Variants in CDH9 observed in about 807,000 individuals in gnomAD.
The protein encoded by CDH9 is cadherin 9.
Under a neutral mutation model 70.9 loss-of-function variants are expected in CDH9, and 28 were observed. The observed-to-expected ratio is 0.40, with a 90% CI of 0.29 to 0.54. CDH9 has a LOEUF of 0.54. CDH9 is among the 20% of genes least tolerant of loss of function. The pLI, the probability that CDH9 is intolerant of heterozygous loss-of-function variation, is 0.59. For synonymous variants in CDH9, 409 were observed against 343.1 expected (o/e 1.19, Z -2.12); for missense variants, 874 against 984.4 (o/e 0.89, Z 1.50).
At chr5:26,919,754 G>T (rs1359972339) in intron 2 of CDH9, among the ~76,000 whole-genome samples, 1 of 152,066 alleles carries the variant, frequency 6.6e-6, no homozygotes, top group South Asian at 2.1e-4. Context: ...ATAGGGCAGG[G>T]TCCTGAGGCC....
intron 2 of CDH9, among the ~76,000 whole-genome samples, chr5:26,968,580 T>A (rs567654511): frequency 5.9e-5 from 9 of 152,132 alleles, no homozygotes; most frequent in Admixed American, 2.0e-4. Context: ...AAATGAATAG[T>A]TATTATCTCA....
At chr5:27,016,924 C>A (rs188555534) in intron 1 of CDH9, among the ~76,000 whole-genome samples, 1 of 151,724 alleles carries the variant, frequency 6.6e-6, no homozygotes, top group African/African-American at 2.4e-5. Flanking sequence ...CTCTGAAATC[C>A]GGAGTGTTAA....
chr5:26,929,805 A>T (rs1465758220), intron 2 of CDH9, among the ~76,000 whole-genome samples: 1 of 152,092 alleles, frequency 6.6e-6, no homozygotes, highest in Non-Finnish European at 1.5e-5. Context: ...AATTGTGTTC[A>T]TGGAGACAGA....
At chr5:26,928,098 T>C (rs1471997502) in intron 2 of CDH9, among the ~76,000 whole-genome samples, 2 of 152,032 alleles carry the variant, frequency 1.3e-5, no homozygotes, top group Non-Finnish European at 2.9e-5. Context: ...TTGAAAAACC[T>C]AAAGACCCCA....
At chr5:26,997,345 TATTGG>T (rs1400849973) in intron 1 of CDH9, among the ~76,000 whole-genome samples, 1 of 152,052 alleles carries the variant, frequency 6.6e-6, no homozygotes, top group Admixed American at 6.6e-5. Flanking sequence ...TTTCTGACAA[TATTGG>T]ATTGGCCCCT....
chr5:26,923,255 AAG>A (rs1371242142), intron 2 of CDH9, among the ~76,000 whole-genome samples: 1 of 150,736 alleles, frequency 6.6e-6, no homozygotes, highest in African/African-American at 2.4e-5. Flanking sequence ...CAACAACAAA[AAG>A]CAGGAGTAGC....
chr5:26,964,670 T>C (rs1742098035), intron 2 of CDH9, among the ~76,000 whole-genome samples: 1 of 152,108 alleles, frequency 6.6e-6, no homozygotes, highest in African/African-American at 2.4e-5. Flanking sequence ...CTGGGGTACA[T>C]TTGGACAACG....
chr5:26,996,167 C>A (rs1742662107), intron 1 of CDH9, among the ~76,000 whole-genome samples: 1 of 151,850 alleles, frequency 6.6e-6, no homozygotes, highest in Admixed American at 6.6e-5. Context: ...TCTTTTTCTT[C>A]AGACAAAGTT....
intron 3 of CDH9, among the ~76,000 whole-genome samples, chr5:26,911,478 G>T (rs577445394): frequency 6.6e-6 from 1 of 152,212 alleles, no homozygotes; most frequent in Non-Finnish European, 1.5e-5. Context: ...AGGGATTCCT[G>T]GTTGGGGGTC....
At chr5:26,971,008 C>G (rs1024488337) in intron 2 of CDH9, among the ~76,000 whole-genome samples, 1 of 152,152 alleles carries the variant, frequency 6.6e-6, no homozygotes, top group East Asian at 1.9e-4. Flanking sequence ...AGAAATGCTT[C>G]TGACATAGAA....
intron 1 of CDH9, among the ~76,000 whole-genome samples, chr5:27,032,947 A>C (rs1743334232): frequency 6.6e-6 from 1 of 151,284 alleles, no homozygotes; most frequent in Admixed American, 6.6e-5. Context: ...GTCTAAACAT[A>C]GTTTGAGATA....
intron 2 of CDH9, among the ~76,000 whole-genome samples, chr5:26,984,489 G>A (rs868453167): frequency 5.9e-5 from 9 of 151,912 alleles, no homozygotes; most frequent in African/African-American, 2.2e-4. Context: ...AAATCAAATA[G>A]GTAAATTCTA....
chr5:26,894,759 G>A (rs564835660), intron 7 of CDH9, among the ~76,000 whole-genome samples: 17 of 152,058 alleles, frequency 1.1e-4, no homozygotes, highest in African/African-American at 4.1e-4. Flanking sequence ...CCAGCAGATG[G>A]CCTACTATAA....
At chr5:26,923,146 G>T (rs1741276657) in intron 2 of CDH9, among the ~76,000 whole-genome samples, 1 of 137,156 alleles carries the variant, frequency 7.3e-6, no homozygotes, top group African/African-American at 2.7e-5. Flanking sequence ...GAAAGACAAA[G>T]CAATCTATTG....
intron 1 of CDH9, among the ~76,000 whole-genome samples, chr5:27,026,059 C>T (rs1743215162): frequency 6.6e-6 from 1 of 151,862 alleles, no homozygotes; most frequent in Non-Finnish European, 1.5e-5. Context: ...CTTGAACTCT[C>T]TGTTTGAAAT....
intron 1 of CDH9, among the ~76,000 whole-genome samples, chr5:27,005,859 C>G (rs182089323): frequency 1.3e-5 from 2 of 151,992 alleles, no homozygotes; most frequent in Admixed American, 6.6e-5. Context: ...GCAGTCATAT[C>G]TTTTGCTTGA....
chr5:26,907,717 T>C (rs1055687757), intron 3 of CDH9, among the ~76,000 whole-genome samples: 2 of 152,140 alleles, frequency 1.3e-5, no homozygotes, highest in African/African-American at 2.4e-5. Flanking sequence ...CAAAGCATGG[T>C]TCTGACATCA....
At chr5:26,930,410 A>T (rs1741422181) in intron 2 of CDH9, among the ~76,000 whole-genome samples, 1 of 152,144 alleles carries the variant, frequency 6.6e-6, no homozygotes, top group Admixed American at 6.6e-5. Flanking sequence ...CTAGTCATGC[A>T]GTTGGCCCTG....
At chr5:26,984,043 T>G (rs1234850221) in intron 2 of CDH9, among the ~76,000 whole-genome samples, 1 of 152,140 alleles carries the variant, frequency 6.6e-6, no homozygotes, top group Non-Finnish European at 1.5e-5. Context: ...TAACTGTGTT[T>G]CCTGTTGTTT....
Sources: gnomAD v4.1 joint callset for allele counts (sites outside exome capture counted in the v4.1 genomes callset) on GRCh38, gnomAD v4.1.1 for gene constraint, MANE v1.5 for transcripts, NCBI Gene and HGNC (gene_info 2026-07-23, HGNC 2026-07-21) for gene names.